Variants in NOS1AP observed in about 807,000 individuals in gnomAD.
The protein encoded by NOS1AP is nitric oxide synthase 1 adaptor protein, also known as carboxyl-terminal PDZ ligand of neuronal nitric oxide synthase protein.
A neutral mutation model predicts 56.2 loss-of-function variants in NOS1AP; 21 were observed. That is an observed-to-expected ratio of 0.37 (90% CI 0.26 to 0.54). The LOEUF (loss-of-function observed/expected upper bound fraction) is 0.54. NOS1AP is among the 20% of genes least tolerant of loss of function. The pLI, the probability that NOS1AP is intolerant of heterozygous loss-of-function variation, is 0.84. For synonymous variants in NOS1AP, 270 were observed against 274.6 expected, an observed-to-expected ratio of 0.98 and a Z score of 0.17; for missense variants, 522 against 657.8, an observed-to-expected ratio of 0.79 and a Z score of 2.26.
chr1:162,220,148 C>T (rs2101656492), intron 2 of NOS1AP, among the ~76,000 whole-genome samples: 1 of 152,254 alleles, frequency 6.6e-6, no homozygotes, highest in African/African-American at 2.4e-5. Flanking sequence ...CCCAGGCTGG[C>T]CTCGAGCTCC....
rs376183851 is a variant in NOS1AP at position 162,243,133 on chromosome 1, T to C, written c.178-44211T>C. Among the ~76,000 whole-genome samples, 9 of 152,194 alleles carry C rather than the reference T, an allele frequency of 5.9e-5. No homozygotes were observed. In the East Asian group the frequency reaches 1.3e-3, roughly 23 times the overall value. The stretch of plus-strand genomic sequence containing the variant: ...CTATCTGCTTCTGCTTTAGGAGTGA[T>C]ATCCTGATTGAAGTCTGCATTGACT... On this transcript the variant is annotated intron_variant, in intron 2 of 9. Transcript: ENST00000361897.
intron 4 of NOS1AP, among the ~76,000 whole-genome samples, chr1:162,332,377 G>A (rs375519973): frequency 5.3e-5 from 8 of 152,036 alleles, no homozygotes; most frequent in Admixed American, 6.5e-5. Flanking sequence ...CATTGTCTAC[G>A]TGTAAGCTCC....
chr1:162,309,659 G>A (rs1655960933), intron 4 of NOS1AP, among the ~76,000 whole-genome samples: 1 of 152,186 alleles, frequency 6.6e-6, no homozygotes, highest in South Asian at 2.1e-4. Context: ...GGTGACTTCT[G>A]CAGAGCAGTT....
intron 2 of NOS1AP, among the ~76,000 whole-genome samples, chr1:162,158,386 T>TC (rs1354663374): frequency 6.6e-6 from 1 of 152,218 alleles, no homozygotes; most frequent in Non-Finnish European, 1.5e-5. Flanking sequence ...AACAATCCAT[T>TC]CATTTAACTA....
At chr1:162,229,715 T>A (rs1385639676) in intron 2 of NOS1AP, among the ~76,000 whole-genome samples, 2 of 152,226 alleles carry the variant, frequency 1.3e-5, no homozygotes, top group Non-Finnish European at 2.9e-5. Flanking sequence ...GATTGACTTA[T>A]GAGTTTCAGT....
chr1:162,151,691 T>C (rs1189445758), intron 1 of NOS1AP, among the ~76,000 whole-genome samples: 1 of 152,204 alleles, frequency 6.6e-6, no homozygotes, highest in African/African-American at 2.4e-5. Context: ...GTAGTTTTTA[T>C]TGTAGAGATC....
chr1:162,289,939 A>G (rs1005685960), intron 3 of NOS1AP, among the ~76,000 whole-genome samples: 12 of 152,062 alleles, frequency 7.9e-5, no homozygotes, highest in Non-Finnish European at 1.5e-4. Flanking sequence ...TCTCCCATGT[A>G]CCTTTACCAC....
intron 7 of NOS1AP, 122 bp downstream of exon 7, chr1:162,355,475 A>ATG: frequency 4.1e-6 from 5 of 1,230,180 alleles, no homozygotes; most frequent in Non-Finnish European, 5.9e-6. Flanking sequence ...TGGCGGTGCC[A>ATG]GAGCGCACTT....
At chr1:162,361,621 G>A (rs1216128307) in intron 8 of NOS1AP, among the ~76,000 whole-genome samples, 1 of 152,206 alleles carries the variant, frequency 6.6e-6, no homozygotes, top group Non-Finnish European at 1.5e-5. Context: ...AGCAGTGGGT[G>A]CTCACATATT....
intron 6 of NOS1AP, 76 bp downstream of exon 6, chr1:162,344,052 C>T: frequency 6.6e-7 from 1 of 1,511,536 alleles, no homozygotes; most frequent in Non-Finnish European, 9.2e-7. Context: ...ACTGCCCTGA[C>T]CCCCAGGCTG....
At chr1:162,247,918 T>C (rs2101688433) in intron 2 of NOS1AP, among the ~76,000 whole-genome samples, 1 of 152,266 alleles carries the variant, frequency 6.6e-6, no homozygotes, top group South Asian at 2.1e-4. Flanking sequence ...CAGTAATTGG[T>C]TGGATGCCAA....
In NOS1AP at chr1:162,212,233, T is replaced by A. The variant is rs114107960; in HGVS notation, c.177+57757T>A. On this transcript the variant is annotated intron_variant, in intron 2 of 9. Transcript: ENST00000361897. ...GGCTGGGAAGGTGTTGTTTGACATATAGAGAACCAGGGGCTGCATGATCAG... is the reference window on the plus strand; with the variant it reads ...GGCTGGGAAGGTGTTGTTTGACATAAAGAGAACCAGGGGCTGCATGATCAG... Among the ~76,000 whole-genome samples, 744 of 152,284 alleles carry A rather than the reference T, an allele frequency of 4.9e-3. 6 individuals carry two copies. The highest frequency in any genetic ancestry group is 8.4e-3 in the Non-Finnish European group (571 of 68,012).
At chr1:162,113,456 C>G (rs1647791165) in intron 1 of NOS1AP, among the ~76,000 whole-genome samples, 1 of 152,086 alleles carries the variant, frequency 6.6e-6, no homozygotes, top group African/African-American at 2.4e-5. Context: ...AAAGAAACAC[C>G]CGAGACTGGG....
At position 162,248,072 on chromosome 1, in the gene NOS1AP, C is replaced by T. The variant is rs138927702; in HGVS notation, c.178-39272C>T. Among the ~76,000 whole-genome samples, 198 of 152,046 alleles carry T rather than the reference C, an allele frequency of 1.3e-3. 3 individuals are homozygous for T. The East Asian group carries it at 0.03, about 23-fold the overall frequency. On this transcript the variant is annotated intron_variant, in intron 2 of 9. Coordinates refer to ENST00000361897, the MANE Select transcript of NOS1AP (RefSeq NM_014697.3). ...CTGAGTTGGGAGGATCGCTTGAGGC[C>T]GGATGTTCAAAACCAGCCTGGACAA...
chr1:162,229,048 T>C (rs1363592400), intron 2 of NOS1AP, among the ~76,000 whole-genome samples: 2 of 152,220 alleles, frequency 1.3e-5, no homozygotes, highest in East Asian at 3.8e-4. Flanking sequence ...AAAATTTTCC[T>C]GGGAGCAGGT....
chr1:162,095,900 T>A (rs1476333808), intron 1 of NOS1AP, among the ~76,000 whole-genome samples: 3 of 152,222 alleles, frequency 2.0e-5, no homozygotes, highest in African/African-American at 7.2e-5. Context: ...AGACTACTTA[T>A]CATGTGGAAT....
At chr1:162,352,225 A>T (rs190297156) in intron 6 of NOS1AP, among the ~76,000 whole-genome samples, 14 of 152,106 alleles carry the variant, frequency 9.2e-5, no homozygotes, top group Admixed American at 2.0e-4. Flanking sequence ...ATGCCCAGCT[A>T]ATTTTTGTAT....
rs551156305 is a variant in NOS1AP, at chr1:162,369,857, A to G, written c.*2390A>G. On this transcript the variant is annotated 3_prime_UTR_variant, in exon 10 of 10. Coordinates refer to ENST00000361897, the MANE Select transcript of NOS1AP (RefSeq NM_014697.3). ...GAGATGGGAGACAAAGGACAGATCT[A>G]GGAGCCTTGAAGGATCACCAGCCAC... 6.6e-6 allele frequency: 1 copy of G among 152,428 alleles called. No homozygotes were observed. Among genetic ancestry groups the G allele is most frequent in the East Asian group, 1.9e-4 (1 of 5,182 alleles). 9.4% of individuals were successfully genotyped at this position (152,428 alleles called of 1,614,324 possible). A position where few individuals can be genotyped will look rare whatever the true frequency, so the allele number is the denominator to read the frequency against.
At chr1:162,348,525 G>C (rs374880659) in intron 6 of NOS1AP, among the ~76,000 whole-genome samples, 1 of 152,172 alleles carries the variant, frequency 6.6e-6, no homozygotes, top group African/African-American at 2.4e-5. Context: ...TACTATACGT[G>C]AGACCTCAGC....
Sources: allele counts gnomAD v4.1 joint callset (sites outside exome capture counted in the v4.1 genomes callset), GRCh38; gene constraint gnomAD v4.1.1; transcripts MANE v1.5; gene names NCBI Gene and HGNC (gene_info 2026-07-23, HGNC 2026-07-21).